Variants in BIRC6 observed in about 807,000 individuals in gnomAD.
The protein encoded by BIRC6 is baculoviral IAP repeat containing 6, also known as dual E2 ubiquitin-conjugating enzyme/E3 ubiquitin-protein ligase BIRC6.
Under a neutral mutation model 503.3 loss-of-function variants are expected in BIRC6, and 98 were observed. That is an observed-to-expected ratio of 0.19 (90% CI 0.17 to 0.23). The LOEUF is 0.23. Ranked by LOEUF, BIRC6 falls within the 10% of genes least tolerant of loss-of-function variation. BIRC6 has a pLI of 1.00. For synonymous variants in BIRC6, 2,240 were observed against 2,078.7 expected, an observed-to-expected ratio of 1.08 and a Z score of -2.11; for missense variants, 5,360 against 5,806.0, an observed-to-expected ratio of 0.92 and a Z score of 2.50.
At chr2:32,593,807 G>T (rs2061522942) in intron 66 of BIRC6, 108 bp from the exon 67 acceptor site, 2 of 974,074 alleles carry the variant, frequency 2.1e-6, no homozygotes, top group African/African-American at 3.3e-5. Flanking sequence ...TAGATCATGT[G>T]TGTGACAAAT....
intron 28 of BIRC6, 88 bp from the exon 29 acceptor site, chr2:32,468,349 G>A (rs1366178038): frequency 1.7e-6 from 2 of 1,180,682 alleles, no homozygotes; most frequent in Admixed American, 5.2e-5. Flanking sequence ...TATGTTAACA[G>A]GTTTAAGAGA....
intron 23 of BIRC6, among the ~76,000 whole-genome samples, chr2:32,458,453 G>A (rs1558781030): frequency 6.6e-6 from 1 of 151,890 alleles, no homozygotes; most frequent in Non-Finnish European, 1.5e-5. Context: ...CATCATAACT[G>A]ATAGAATTTT....
intron 66 of BIRC6, among the ~76,000 whole-genome samples, chr2:32,587,904 A>T (rs1355785717): frequency 6.6e-6 from 1 of 152,176 alleles, no homozygotes; most frequent in Non-Finnish European, 1.5e-5. Context: ...CTAAATATCC[A>T]TAGTATTCTA....
chr2:32,609,787 T>C (rs74261849), intron 72 of BIRC6, among the ~76,000 whole-genome samples: 1 of 151,220 alleles, frequency 6.6e-6, no homozygotes, highest in Non-Finnish European at 1.5e-5. Flanking sequence ...TTTATGCATA[T>C]CATTTTTTTC....
At chr2:32,526,455 GA>G (rs2149914176) in intron 59 of BIRC6, 1 of 152,266 alleles carries the variant, frequency 6.6e-6, no homozygotes, top group East Asian at 1.9e-4. Context: ...ATAAAAAGAG[GA>G]AGTATTTATG....
intron 60 of BIRC6, among the ~76,000 whole-genome samples, chr2:32,530,037 G>A (rs779722103): frequency 1.3e-4 from 20 of 152,088 alleles, no homozygotes; most frequent in Non-Finnish European, 1.8e-4. Context: ...TTTTATGAGC[G>A]CATGTACTTT....
chr2:32,533,576 CT>C lies in BIRC6; in HGVS notation c.12291+2029del, dbSNP rs575197171. On this transcript the variant is annotated intron_variant, in intron 61 of 73. Transcript: ENST00000421745. ...TAAGCCAAGAGTGAGGCTGGACAAC[CT>C]TTTGCTAGTGCCTTAGAAACATCAA... Among the ~76,000 whole-genome samples, 414 of 152,308 alleles carry C rather than the reference CT, an allele frequency of 2.7e-3. 1 individual carries two copies. Among genetic ancestry groups the C allele is most frequent in the South Asian group, 0.023 (113 of 4,820 alleles).
At chr2:32,441,713 C>T (rs965149245) in intron 17 of BIRC6, among the ~76,000 whole-genome samples, 1 of 152,020 alleles carries the variant, frequency 6.6e-6, no homozygotes, top group Admixed American at 6.6e-5. Flanking sequence ...ACTCGTCAGG[C>T]AAGGGAGCAT....
Position 32,426,832 on chromosome 2 carries a change from A to C in BIRC6, c.2873-2314A>C, listed in dbSNP as rs79572805. Among the ~76,000 whole-genome samples the C allele has an allele frequency of 2.7e-3, 407 of 152,306 alleles. 1 individual carries two copies. Among genetic ancestry groups the C allele is most frequent in the Non-Finnish European group, 4.6e-3 (314 of 68,026 alleles). The stretch of plus-strand genomic sequence containing the variant: ...ACTTATCATAAGGCAGGTTGCTAGC[A>C]TAAAGTTCTCTCAGTCTTTGTTTTT... On this transcript the variant is annotated intron_variant, in intron 10 of 73. Transcript: ENST00000421745.
intron 39 of BIRC6, among the ~76,000 whole-genome samples, chr2:32,484,520 C>T (rs556899014): frequency 5.2e-4 from 74 of 142,030 alleles, no homozygotes; most frequent in African/African-American, 1.9e-3. Flanking sequence ...TGCTGCAGTC[C>T]AGCCTGGACG....
intron 66 of BIRC6, among the ~76,000 whole-genome samples, chr2:32,577,934 A>G (rs2060373756): frequency 6.6e-6 from 1 of 152,202 alleles, no homozygotes; most frequent in South Asian, 2.1e-4. Context: ...TGAAGATATA[A>G]TGAGTGTTCG....
intron 5 of BIRC6, among the ~76,000 whole-genome samples, chr2:32,393,655 G>T (rs1336513350): frequency 6.6e-6 from 1 of 152,116 alleles, no homozygotes; most frequent in Non-Finnish European, 1.5e-5. Flanking sequence ...AAGTAGCTGG[G>T]ATTACAGGCA....
intron 41 of BIRC6, among the ~76,000 whole-genome samples, chr2:32,488,207 G>A (rs1430206120): frequency 2.0e-5 from 3 of 152,140 alleles, no homozygotes; most frequent in Middle Eastern, 3.4e-3. Context: ...ACCAGGTGCA[G>A]TAGCACATGC....
chr2:32,507,944 T>C (rs561580796), intron 50 of BIRC6, 36 bp from the exon 51 acceptor site: 5 of 1,589,410 alleles, frequency 3.1e-6, no homozygotes, highest in African/African-American at 1.3e-5. Flanking sequence ...TAGTATACTT[T>C]GTCTTTTGTG....
chr2:32,545,621 T>C, intron 62 of BIRC6, 22 bp from the exon 63 acceptor site: 1 of 1,579,190 alleles, frequency 6.3e-7, no homozygotes. Flanking sequence ...TAATCTTGAG[T>C]CCTCTTCTTT....
Position 32,391,952 on chromosome 2 carries a change from A to G in BIRC6, c.840-87A>G, listed in dbSNP as rs1471443034. ...CATTTGCAGTTTTTGCTGATAACCCAGTAAAATTATTTTTTGCATTGTTAA... is the reference window on the plus strand; with the variant it reads ...CATTTGCAGTTTTTGCTGATAACCCGGTAAAATTATTTTTTGCATTGTTAA... On this transcript the variant is annotated intron_variant, in intron 4 of 73. Coordinates refer to ENST00000421745, the MANE Select transcript of BIRC6 (RefSeq NM_016252.4). 6 of 859,548 alleles carry G rather than the reference A, an allele frequency of 7.0e-6. No individual in the cohort carries two copies. The Admixed American group carries it at 1.2e-4, about 17-fold the overall frequency. The allele number at this position is 859,548 out of a possible 1,614,324, so 53.2% of individuals were successfully genotyped here.
At chr2:32,494,264 T>C (rs1022649596) in intron 45 of BIRC6, among the ~76,000 whole-genome samples, 1 of 151,886 alleles carries the variant, frequency 6.6e-6, no homozygotes, top group African/African-American at 2.4e-5. Context: ...AGTCTCGCTC[T>C]GTCGCCAGGC....
At chr2:32,450,325 A>G (rs1229131542) in intron 22 of BIRC6, among the ~76,000 whole-genome samples, 1 of 152,120 alleles carries the variant, frequency 6.6e-6, no homozygotes, top group African/African-American at 2.4e-5. Flanking sequence ...AAAAATGCCA[A>G]AAAATTAGCC....
intron 72 of BIRC6, among the ~76,000 whole-genome samples, chr2:32,608,940 C>T (rs894160412): frequency 7.2e-5 from 11 of 151,768 alleles, no homozygotes; most frequent in Non-Finnish European, 1.5e-4. Context: ...AATACAGTGG[C>T]GGAATCTCGG....
Sources: allele counts gnomAD v4.1 joint callset (sites outside exome capture counted in the v4.1 genomes callset), GRCh38; gene constraint gnomAD v4.1.1; transcripts MANE v1.5; gene names NCBI Gene and HGNC (gene_info 2026-07-23, HGNC 2026-07-21).